Variants in AGAP1 observed in about 807,000 individuals in gnomAD.
AGAP1 encodes arf-GAP with GTPase, ANK repeat and PH domain-containing protein 1.
In AGAP1, 29 loss-of-function variants were observed where a neutral mutation model predicts 105.3. The ratio of observed to expected loss-of-function variants is 0.28; its 90% confidence interval spans 0.21 to 0.38. AGAP1 has a LOEUF of 0.38. AGAP1 is among the 10% of genes least tolerant of loss of function. The probability of loss-of-function intolerance (pLI) is 1.00; values close to 1 mark genes in which losing one functional copy is unlikely to be tolerated. For synonymous variants in AGAP1, 509 were observed against 485.9 expected, an observed-to-expected ratio of 1.05 and a Z score of -0.63; for missense variants, 998 against 1,165.1, an observed-to-expected ratio of 0.86 and a Z score of 2.09.
At position 235,873,509 on chromosome 2, in the gene AGAP1, T is replaced by A. The variant is rs978777412; in HGVS notation, c.1051-9836T>A. On this transcript the variant is annotated intron_variant, in intron 9 of 17. Transcript: ENST00000304032. ...TTGTTTTGGCAAACTTTTTTTTTTT[T>A]AAAGGTTTACATGTATAAATGCAGA... is the stretch of plus-strand genomic sequence containing the variant. 2.6e-5 allele frequency among the ~76,000 whole-genome samples: 4 copies of A among 152,110 alleles called. No individual in the cohort carries two copies. The South Asian group carries it at 8.3e-4, about 32-fold the overall frequency.
chr2:236,032,216 A>T (rs1203089989), intron 13 of AGAP1, among the ~76,000 whole-genome samples: 2 of 152,328 alleles, frequency 1.3e-5, no homozygotes, highest in South Asian at 2.1e-4. Flanking sequence ...CAAGTCATTG[A>T]TAAAACATTG....
At chr2:236,093,969 C>G (rs1429253928) in intron 16 of AGAP1, among the ~76,000 whole-genome samples, 1 of 152,050 alleles carries the variant, frequency 6.6e-6, no homozygotes, top group Non-Finnish European at 1.5e-5. Context: ...GCAATGATAA[C>G]CTATATTTTT....
rs1046235792 is a variant in AGAP1 at position 236,109,719 on chromosome 2, G to T, written c.2115-10473G>T. ...AACGTTCTGGATCCGAGCATCCCAG[G>T]GTAGCAGCTGCCAACCACATACTTA... On this transcript the variant is annotated intron_variant, in intron 16 of 17. Coordinates refer to ENST00000304032, the MANE Select transcript of AGAP1 (RefSeq NM_001037131.3). The surrounding 1 kb of genome is among the most constrained non-coding windows in gnomAD (Gnocchi z 5.4). Among the ~76,000 whole-genome samples, 2 of 152,218 alleles carry T rather than the reference G, an allele frequency of 1.3e-5. No individual in the cohort carries two copies. Among genetic ancestry groups the T allele is most frequent in the Admixed American group, 1.3e-4 (2 of 15,288 alleles).
intron 1 of AGAP1, among the ~76,000 whole-genome samples, chr2:235,506,656 GGGAA>G (rs1262955481): frequency 6.6e-6 from 1 of 152,156 alleles, no homozygotes; most frequent in Non-Finnish European, 1.5e-5. Context: ...GGATGCCACT[GGGAA>G]CATTCTTGGT....
chr2:235,996,158 G>A (rs949196137), intron 13 of AGAP1, among the ~76,000 whole-genome samples: 1 of 152,206 alleles, frequency 6.6e-6, no homozygotes, highest in Non-Finnish European at 1.5e-5. Flanking sequence ...TTTATCAGTT[G>A]TGTCAGTTTC....
rs34549453 is a variant in AGAP1, at chr2:236,128,075, A to AC, written c.*3965dup. ...GAGGCTGTGATGGGCACGTTTGCCAACCCCCCCCCCCCAGTAGAGCCCAGG... is the reference window on the plus strand; with the variant it reads ...GAGGCTGTGATGGGCACGTTTGCCAACCCCCCCCCCCCCAGTAGAGCCCAGG... On this transcript the variant is annotated 3_prime_UTR_variant, in exon 18 of 18. Transcript: ENST00000304032. This position sits in a 1 kb window ranked among gnomAD's most constrained non-coding sequence, Gnocchi z 5.9. 29,229 of 128,542 alleles carry AC rather than the reference A, an allele frequency of 0.23. 3,045 individuals carry two copies. Among genetic ancestry groups the AC allele is most frequent in the East Asian group, 0.39 (1,686 of 4,342 alleles). 8.0% of individuals were successfully genotyped at this position (128,542 alleles called of 1,614,324 possible).
chr2:235,858,610 G>A (rs1028996677), intron 9 of AGAP1, among the ~76,000 whole-genome samples: 2 of 152,146 alleles, frequency 1.3e-5, no homozygotes, highest in Admixed American at 6.5e-5. Context: ...ATATGAACTA[G>A]TTCACAATGA....
chr2:235,809,354 T>G (rs1422477011), intron 9 of AGAP1, among the ~76,000 whole-genome samples: 3 of 152,160 alleles, frequency 2.0e-5, no homozygotes, highest in Non-Finnish European at 4.4e-5. Context: ...ATCTAAATCA[T>G]GGTCTGATTT....
rs762207913 is a variant in AGAP1, at chr2:236,045,949, G to A, written c.1892-3110G>A. 1.1e-5 allele frequency: 5 copies of A among 471,630 alleles called. No individual in the cohort carries two copies. The highest frequency in any genetic ancestry group is 7.0e-5 in the Admixed American group (3 of 42,580). 29.2% of individuals were successfully genotyped at this position (471,630 alleles called of 1,614,324 possible). ...CAACATTTTGGGTTTCAGAGAATTC[G>A]GAGTCCGGCACAGGAATGTGTCCCA... On this transcript the variant is annotated intron_variant, in intron 15 of 17. Coordinates refer to ENST00000304032, the MANE Select transcript of AGAP1 (RefSeq NM_001037131.3). This position sits in a 1 kb window ranked among gnomAD's most constrained non-coding sequence, Gnocchi z 6.9.
chr2:235,708,769 T>C (rs1950675882), intron 1 of AGAP1, among the ~76,000 whole-genome samples: 1 of 152,138 alleles, frequency 6.6e-6, no homozygotes, highest in African/African-American at 2.4e-5. Context: ...AAAGACCAAA[T>C]GTGGACCGAC....
chr2:236,075,925 C>T (rs1428748867), intron 16 of AGAP1, among the ~76,000 whole-genome samples: 6 of 152,184 alleles, frequency 3.9e-5, no homozygotes, highest in African/African-American at 1.2e-4. Flanking sequence ...AGCAAACCTC[C>T]GCAGGGAGTG....
rs187396703 is a variant in AGAP1, at chr2:235,684,127, C to T, written c.164-25052C>T. 4.3e-3 allele frequency among the ~76,000 whole-genome samples: 647 copies of T among 152,228 alleles called. 6 individuals carry two copies. Among genetic ancestry groups the T allele is most frequent in the African/African-American group, 0.014 (601 of 41,534 alleles). ...CACGATCTCGGCTCACTGCAAGCTC[C>T]GCTTCCCGGGTTCACACCATTCTCC... is the stretch of plus-strand genomic sequence containing the variant. On this transcript the variant is annotated intron_variant, in intron 1 of 17. Coordinates refer to ENST00000304032, the MANE Select transcript of AGAP1 (RefSeq NM_001037131.3).
rs2060054086 is a variant in AGAP1, at chr2:236,129,475, C to T, written c.*5353C>T. ...AGAAACAGTCCTCAGACTGGTCCTTCCGACACAGGCAGAGAGTGAACTGGA... is the reference window on the plus strand; with the variant it reads ...AGAAACAGTCCTCAGACTGGTCCTTTCGACACAGGCAGAGAGTGAACTGGA... On this transcript the variant is annotated 3_prime_UTR_variant, in exon 18 of 18. Transcript: ENST00000304032. This position sits in a 1 kb window ranked among gnomAD's most constrained non-coding sequence, Gnocchi z 6.2. 6.6e-6 allele frequency: 1 copy of T among 152,244 alleles called. No individual in the cohort carries two copies. Among genetic ancestry groups the T allele is most frequent in the Non-Finnish European group, 1.5e-5 (1 of 68,068 alleles). The allele number at this position is 152,244 out of a possible 1,614,324, so 9.4% of individuals were successfully genotyped here. A position where few individuals can be genotyped will look rare whatever the true frequency, so the allele number is the denominator to read the frequency against.
At position 235,516,070 on chromosome 2, in the gene AGAP1, G is replaced by GCTGCTGCTC. The variant is rs1553556315; in HGVS notation, c.163+21229_163+21230insCCTGCTGCT. ...CATGGGCTCCTCTGCTGCTGCTGCT[G>GCTGCTGCTC]CTGCTGCTGCTGCTGCTGCTGCTGG... On this transcript the variant is annotated intron_variant, in intron 1 of 17. Transcript: ENST00000304032. Among the ~76,000 whole-genome samples the GCTGCTGCTC allele has an allele frequency of 1.8e-3, 251 of 141,854 alleles. 3 individuals are homozygous for GCTGCTGCTC. Among genetic ancestry groups the GCTGCTGCTC allele is most frequent in the African/African-American group, 5.5e-3 (220 of 40,310 alleles). 93.1% of individuals were successfully genotyped at this position (141,854 alleles called of 152,430 possible). A position where few individuals can be genotyped will look rare whatever the true frequency, so the allele number is the denominator to read the frequency against.
rs546856599 is a variant in AGAP1, at chr2:235,685,100, G to A, written c.164-24079G>A. On this transcript the variant is annotated intron_variant, in intron 1 of 17. Coordinates refer to ENST00000304032, the MANE Select transcript of AGAP1 (RefSeq NM_001037131.3). ...GGGTGGGCCGAGGTTGAGTGGGCTG[G>A]TTGCAGAATCCTGGTGCCCAGAGGG... Among the ~76,000 whole-genome samples the A allele has an allele frequency of 4.1e-4, 63 of 152,252 alleles. 1 individual carries two copies. Among genetic ancestry groups the A allele is most frequent in the African/African-American group, 1.4e-3 (60 of 41,544 alleles).
rs147706601 is a variant in AGAP1 at position 235,976,609 on chromosome 2, A to C, written c.1645+7986A>C. ...GATTCAGGTCCAAAAATGTTCATTGAGCACCTACTGCACGCAAGAGTTTTG... is the reference window on the plus strand; with the variant it reads ...GATTCAGGTCCAAAAATGTTCATTGCGCACCTACTGCACGCAAGAGTTTTG... On this transcript the variant is annotated intron_variant, in intron 13 of 17. Transcript: ENST00000304032. The surrounding 1 kb of genome is among the most constrained non-coding windows in gnomAD (Gnocchi z 4.5). Among the ~76,000 whole-genome samples the C allele has an allele frequency of 2.9e-3, 447 of 152,308 alleles. 1 individual carries two copies. The highest frequency in any genetic ancestry group is 4.9e-3 in the Non-Finnish European group (330 of 68,020).
rs1214285695 is a variant in AGAP1 at position 235,724,728 on chromosome 2, C to G, written c.310+7084C>G. ...AGTAATTATAACTACCAGGTAAGGA[C>G]CAGTGAGAAACAGTGGGTGAGATTA... On this transcript the variant is annotated intron_variant, in intron 3 of 17. Coordinates refer to ENST00000304032, the MANE Select transcript of AGAP1 (RefSeq NM_001037131.3). This position sits in a 1 kb window ranked among gnomAD's most constrained non-coding sequence, Gnocchi z 4.9. 6.6e-6 allele frequency among the ~76,000 whole-genome samples: 1 copy of G among 152,114 alleles called. No homozygotes were observed. The highest frequency in any genetic ancestry group is 2.4e-5 in the African/African-American group (1 of 41,422).
At chr2:236,071,465 A>G (rs2058495415) in intron 16 of AGAP1, among the ~76,000 whole-genome samples, 1 of 152,180 alleles carries the variant, frequency 6.6e-6, no homozygotes, top group African/African-American at 2.4e-5. Context: ...CCAAGGATAC[A>G]TACAATCTGG....
chr2:235,768,665 C>A (rs531242192), intron 6 of AGAP1, among the ~76,000 whole-genome samples: 1 of 152,338 alleles, frequency 6.6e-6, no homozygotes, highest in East Asian at 1.9e-4. Context: ...CAGTAAACTC[C>A]GGCGGCATCC....
Sources: allele counts gnomAD v4.1 joint callset (sites outside exome capture counted in the v4.1 genomes callset), GRCh38; gene constraint gnomAD v4.1.1; non-coding constraint Gnocchi (gnomAD v3.1); transcripts MANE v1.5; gene names NCBI Gene and HGNC (gene_info 2026-07-23, HGNC 2026-07-21).